DGKB: variants seen among roughly 807,000 people sequenced by gnomAD.
DGKB encodes 90 kDa diacylglycerol kinase.
DGKB carries 67 observed loss-of-function variants against 114.3 expected under a neutral mutation model. That is an observed-to-expected ratio of 0.59 (90% CI 0.48 to 0.72). The LOEUF is 0.72. Among genes scored for constraint, DGKB ranks in the 30% least tolerant of loss-of-function variants. DGKB has a pLI of 0.00. For synonymous variants in DGKB, 398 were observed against 323.1 expected (o/e 1.23, Z -2.49); for missense variants, 907 against 975.2 (o/e 0.93, Z 0.93).
At chr7:14,763,658 C>G (rs991782151) in intron 2 of DGKB, among the ~76,000 whole-genome samples, 1 of 151,986 alleles carries the variant, frequency 6.6e-6, no homozygotes, top group African/African-American at 2.4e-5. Context: ...AAAGAATGTA[C>G]AGTAGTGATT....
intron 21 of DGKB, among the ~76,000 whole-genome samples, chr7:14,428,955 T>C (rs1450676649): frequency 6.6e-6 from 1 of 152,096 alleles, no homozygotes; most frequent in Non-Finnish European, 1.5e-5. Flanking sequence ...AATGACCATT[T>C]TATATTTCTA....
intron 23 of DGKB, among the ~76,000 whole-genome samples, chr7:14,222,323 C>A (rs751506184): frequency 3.0e-4 from 45 of 151,024 alleles, no homozygotes; most frequent in Non-Finnish European, 6.2e-4. Context: ...ACTGCATCCC[C>A]AAAATTTGGT....
intron 21 of DGKB, 111 bp from the exon 22 acceptor site, chr7:14,345,502 T>C: frequency 1.0e-5 from 6 of 587,044 alleles, no homozygotes; most frequent in Non-Finnish European, 1.5e-5. Context: ...TGAGGACATG[T>C]GACATCTAAA....
At chr7:14,251,883 T>C (rs6956317) in intron 23 of DGKB, among the ~76,000 whole-genome samples, 26,562 of 152,128 alleles carry the variant, frequency 0.17, 2,760 homozygotes, top group African/African-American at 0.28. Context: ...CTTACAGAGA[T>C]TTCCTTTGTG....
intron 20 of DGKB, among the ~76,000 whole-genome samples, chr7:14,561,925 C>G (rs150862277): frequency 6.6e-5 from 10 of 152,300 alleles, no homozygotes; most frequent in Non-Finnish European, 1.3e-4. Context: ...GAAACTGTCT[C>G]CAGAGCATGC....
At chr7:14,177,923 A>T in intron 24 of DGKB, 108 bp downstream of exon 24, 2 of 1,187,948 alleles carry the variant, frequency 1.7e-6, no homozygotes, top group South Asian at 3.4e-5. Flanking sequence ...ATAACTGATT[A>T]TTTGGAGCCC....
At chr7:14,899,314 G>T (rs1309104762) in intron 1 of DGKB, among the ~76,000 whole-genome samples, 1 of 152,034 alleles carries the variant, frequency 6.6e-6, no homozygotes, top group Non-Finnish European at 1.5e-5. Flanking sequence ...TTGAATCATT[G>T]TTTTTCCACT....
chr7:14,625,010 A>T (rs1258495191), intron 14 of DGKB, among the ~76,000 whole-genome samples: 6 of 152,076 alleles, frequency 3.9e-5, no homozygotes, highest in Non-Finnish European at 8.8e-5. Flanking sequence ...TAAATAAATA[A>T]ATATATAAAT....
At chr7:14,797,179 C>T (rs1296473374) in intron 2 of DGKB, among the ~76,000 whole-genome samples, 1 of 152,096 alleles carries the variant, frequency 6.6e-6, no homozygotes, top group Non-Finnish European at 1.5e-5. Context: ...CAGCAAAGTT[C>T]TAGGTCAAGT....
At chr7:14,297,193 T>C (rs1028388896) in intron 23 of DGKB, among the ~76,000 whole-genome samples, 4 of 152,168 alleles carry the variant, frequency 2.6e-5, no homozygotes, top group African/African-American at 7.2e-5. Flanking sequence ...GACTCCTCCC[T>C]AGCTCATTTT....
At chr7:14,579,835 T>G (rs1326396801) in intron 19 of DGKB, among the ~76,000 whole-genome samples, 1 of 152,134 alleles carries the variant, frequency 6.6e-6, no homozygotes, top group African/African-American at 2.4e-5. Context: ...ATATTTCCAT[T>G]CAGCATGTCT....
chr7:14,825,016 G>GTATATATA (rs67135250), intron 2 of DGKB, among the ~76,000 whole-genome samples: 144 of 92,296 alleles, frequency 1.6e-3, no homozygotes, highest in East Asian at 3.3e-3. Flanking sequence ...GTATGTGTAT[G>GTATATATA]TATATATATA....
At chr7:14,869,758 T>C (rs1024267996) in intron 1 of DGKB, among the ~76,000 whole-genome samples, 1 of 152,210 alleles carries the variant, frequency 6.6e-6, no homozygotes. Flanking sequence ...ATATACACAA[T>C]ATATATTCAT....
Position 14,553,112 on chromosome 7 carries a change from G to C in DGKB, c.1770+21100C>G, listed in dbSNP as rs138688110. Reference sequence around the variant, plus strand: ...GAATTTGCCACGGTCAGCTCAAGCAGCTCAGCACAGATGAATTCATTCTAC... The same window carrying C: ...GAATTTGCCACGGTCAGCTCAAGCACCTCAGCACAGATGAATTCATTCTAC... On this transcript the variant is annotated intron_variant, in intron 20 of 25. Coordinates refer to ENST00000402815, the MANE Select transcript of DGKB (RefSeq NM_001350709.2). 8.3e-3 allele frequency among the ~76,000 whole-genome samples: 1,258 copies of C among 152,346 alleles called. 13 individuals are homozygous for C. Among genetic ancestry groups the C allele is most frequent in the Middle Eastern group, 0.017 (5 of 294 alleles).
chr7:14,221,395 T>C (rs1789946549), intron 23 of DGKB, among the ~76,000 whole-genome samples: 1 of 151,376 alleles, frequency 6.6e-6, no homozygotes, highest in Non-Finnish European at 1.5e-5. Flanking sequence ...TTGTTAAGTT[T>C]TGTTGAGTAC....
intron 20 of DGKB, among the ~76,000 whole-genome samples, chr7:14,480,204 A>G (rs1208162505): frequency 6.6e-6 from 1 of 152,048 alleles, no homozygotes; most frequent in East Asian, 1.9e-4. Flanking sequence ...TAATTGGGTA[A>G]ACTCCTAGAA....
intron 25 of DGKB, among the ~76,000 whole-genome samples, chr7:14,169,364 CAA>C (rs35418998): frequency 9.2e-5 from 6 of 65,288 alleles, no homozygotes; most frequent in Admixed American, 1.8e-4. Context: ...GACTCCGTCT[CAA>C]AAAAAAAAAA....
At chr7:14,304,612 C>G (rs960815150) in intron 23 of DGKB, among the ~76,000 whole-genome samples, 1 of 152,078 alleles carries the variant, frequency 6.6e-6, no homozygotes, top group Non-Finnish European at 1.5e-5. Context: ...AGATATTTCC[C>G]CTGGTAGGTA....
At chr7:14,683,014 G>A (rs1228361672) in intron 10 of DGKB, among the ~76,000 whole-genome samples, 173 bp from the exon 11 acceptor site, 1 of 152,074 alleles carries the variant, frequency 6.6e-6, no homozygotes, top group East Asian at 1.9e-4. Flanking sequence ...GAATATAAAA[G>A]GCCAATTAGT....
Sources: allele counts gnomAD v4.1 joint callset (sites outside exome capture counted in the v4.1 genomes callset), GRCh38; gene constraint gnomAD v4.1.1; transcripts MANE v1.5; gene names NCBI Gene and HGNC (gene_info 2026-07-23, HGNC 2026-07-21).